C1orf159: variants seen among roughly 807,000 people sequenced by gnomAD.
C1orf159 encodes the protein uncharacterized protein C1orf159.
C1orf159 carries 19 observed loss-of-function variants against 25.6 expected under a neutral mutation model. That is an observed-to-expected ratio of 0.74 (90% confidence interval 0.52 to 1.09). The LOEUF (loss-of-function observed/expected upper bound fraction) is 1.09. Among genes scored for constraint, C1orf159 ranks in the 50% least tolerant of loss-of-function variants. The probability of loss-of-function intolerance (pLI) is 0.00; values close to 1 mark genes in which losing one functional copy is unlikely to be tolerated. For missense variants in C1orf159, 274 were observed against 290.6 expected (o/e 0.94, Z 0.42); for synonymous variants, 139 against 124.7 (o/e 1.12, Z -0.77).
Position 1,089,483 on chromosome 1 carries a change from C to G in C1orf159, c.148+870G>C, listed in dbSNP as rs534904834. Among the ~76,000 whole-genome samples the G allele has an allele frequency of 6.6e-6, 1 of 152,082 alleles. No individual in the cohort carries two copies. The highest frequency in any genetic ancestry group is 6.5e-5 in the Admixed American group (1 of 15,278). ...GCGGTGCCCTCCTCCTCCTACCCTGCGTGTGCCTCAGATGTCATCACTGCC... is the reference window on the plus strand; with the variant it reads ...GCGGTGCCCTCCTCCTCCTACCCTGGGTGTGCCTCAGATGTCATCACTGCC... On this transcript the variant is annotated intron_variant, in intron 4 of 9. Coordinates refer to ENST00000421241, the MANE Select transcript of C1orf159 (RefSeq NM_017891.5). The surrounding 1 kb of genome is among the most constrained non-coding windows in gnomAD (Gnocchi z 7.5).
chr1:1,085,213 G>A lies in C1orf159; in HGVS notation c.445+665C>T, dbSNP rs1645809301. ...GGGCTGCCCAGAGACCTGGGAGGAGGCCCCAGCTCGGCTATCACAGTCTGG... is the reference window on the plus strand; with the variant it reads ...GGGCTGCCCAGAGACCTGGGAGGAGACCCCAGCTCGGCTATCACAGTCTGG... On this transcript the variant is annotated intron_variant, in intron 7 of 9. Coordinates refer to ENST00000421241, the MANE Select transcript of C1orf159 (RefSeq NM_017891.5). 7.7e-6 allele frequency: 3 copies of A among 387,822 alleles called. 1 individual carries two copies. The highest frequency in any genetic ancestry group is 5.7e-5 in the Admixed American group (2 of 35,052). The allele number at this position is 387,822 out of a possible 1,614,324, so 24.0% of individuals were successfully genotyped here. A position where few individuals can be genotyped will look rare whatever the true frequency, so the allele number is the denominator to read the frequency against.
chr1:1,084,949 T>TG (rs1009793845), intron 7 of C1orf159, among the ~76,000 whole-genome samples: 8 of 151,984 alleles, frequency 5.3e-5, no homozygotes, highest in African/African-American at 1.9e-4. Context: ...GCCCCCGCGA[T>TG]GGGGGTGCCG....
At chr1:1,099,984 G>A (rs996778209) in intron 1 of C1orf159, among the ~76,000 whole-genome samples, 3 of 136,184 alleles carry the variant, frequency 2.2e-5, no homozygotes, top group African/African-American at 9.3e-5. Flanking sequence ...CAGTGTGATG[G>A]CACATGCCCC....
chr1:1,084,419 G>T (rs768607947), intron 8 of C1orf159, 36 bp from the exon 9 acceptor site: 1 of 1,581,470 alleles, frequency 6.3e-7, no homozygotes, highest in South Asian at 1.1e-5. Context: ...GAGGACTCGG[G>T]ATGGCCTGGC....
At chr1:1,093,529 C>A (rs955396288) in intron 1 of C1orf159, among the ~76,000 whole-genome samples, 2 of 152,272 alleles carry the variant, frequency 1.3e-5, no homozygotes, top group Non-Finnish European at 2.9e-5. Flanking sequence ...GGGCTCCCGG[C>A]AGCCAGGAGC....
chr1:1,091,020 C>G (rs1418746458), intron 3 of C1orf159: 17 of 1,488,874 alleles, frequency 1.1e-5, no homozygotes, highest in Non-Finnish European at 1.6e-5. Context: ...CCAGGGGTGA[C>G]TGCGGAGTGC....
At chr1:1,090,992 A>G in intron 3 of C1orf159, 1 of 1,547,804 alleles carries the variant, frequency 6.5e-7, no homozygotes, top group Middle Eastern at 1.7e-4. Flanking sequence ...ACCTGAATGC[A>G]GTGAACGGTG....
intron 1 of C1orf159, among the ~76,000 whole-genome samples, chr1:1,100,470 T>A (rs1265885819): frequency 6.6e-6 from 1 of 152,148 alleles, no homozygotes; most frequent in Non-Finnish European, 1.5e-5. Flanking sequence ...TCCCACTTGT[T>A]GCAGCTGACA....
chr1:1,100,531 G>A (rs1646085798), intron 1 of C1orf159, among the ~76,000 whole-genome samples: 2 of 152,100 alleles, frequency 1.3e-5, no homozygotes, highest in Admixed American at 6.5e-5. Context: ...TGACACGAGG[G>A]CGCACTCTTG....
Position 1,090,415 on chromosome 1 carries a change from T to C in C1orf159, c.86A>G (p.Glu29Gly). The change falls in exon 4 of 10, where the codon GAG becomes GGG. Residue 29 changes from glutamate to glycine, a missense_variant. Physicochemically the swap from Glu to Gly is moderately conservative, Grantham distance 98. Coordinates refer to ENST00000421241, the MANE Select transcript of C1orf159 (RefSeq NM_017891.5). ...GACGCCCACCACATCCACACAGCAC[T>C]CGGGCAGCTGGGCCTGGAGGGGACA... ...KSMENTAQLP[E>G]CCVDVVGVNA... The C allele has an allele frequency of 1.3e-6, 2 of 1,550,424 alleles. No homozygotes were observed. The highest frequency in any genetic ancestry group is 1.7e-6 in the Non-Finnish European group (2 of 1,146,920).
At chr1:1,112,214 G>A (rs1262592302) in intron 1 of C1orf159, among the ~76,000 whole-genome samples, 2 of 152,354 alleles carry the variant, frequency 1.3e-5, no homozygotes, top group African/African-American at 2.4e-5. Context: ...CATGAAATCC[G>A]GTGATGGGCA....
At position 1,087,007 on chromosome 1, in the gene C1orf159, C is replaced by G. The variant is rs911671049; in HGVS notation, c.310+132G>C. ...TGACCCCAAGCTGCAGGGGCTGCCA[C>G]GCTCCCCTCTGGCTGTTTTGCAGAA... is the stretch of plus-strand genomic sequence containing the variant. On this transcript the variant is annotated intron_variant, in intron 6 of 9. Transcript: ENST00000421241. This position sits in a 1 kb window ranked among gnomAD's most constrained non-coding sequence, Gnocchi z 8.3. 2 of 908,458 alleles carry G rather than the reference C, an allele frequency of 2.2e-6. No individual in the cohort carries two copies. Among genetic ancestry groups the G allele is most frequent in the Admixed American group, 2.3e-5 (1 of 43,602 alleles). The allele number at this position is 908,458 out of a possible 1,614,324, so 56.3% of individuals were successfully genotyped here.
At chr1:1,091,001 T>G in intron 3 of C1orf159, 1 of 1,539,370 alleles carries the variant, frequency 6.5e-7, no homozygotes. Context: ...CAGTGAACGG[T>G]GAGGGCGTCC....
intron 1 of C1orf159, among the ~76,000 whole-genome samples, chr1:1,108,273 C>T (rs1293653667): frequency 2.8e-5 from 4 of 142,778 alleles, no homozygotes; most frequent in Admixed American, 6.9e-5. Flanking sequence ...TCAGCAGCAC[C>T]GTCCACCACA....
Position 1,089,153 on chromosome 1 carries a change from C to A in C1orf159, c.148+1200G>T, listed in dbSNP as rs139829282. ...GGAAGCGTATCCAACACCGCAGGCC[C>A]GGCCCCTCCCCACGCGCGCCAGACG... On this transcript the variant is annotated intron_variant, in intron 4 of 9. Transcript: ENST00000421241. This position sits in a 1 kb window ranked among gnomAD's most constrained non-coding sequence, Gnocchi z 7.5. 2.0e-5 allele frequency among the ~76,000 whole-genome samples: 3 copies of A among 152,150 alleles called. No individual in the cohort carries two copies. Among genetic ancestry groups the A allele is most frequent in the Non-Finnish European group, 4.4e-5 (3 of 68,004 alleles).
chr1:1,088,243 C>A (rs1184304405), intron 4 of C1orf159, among the ~76,000 whole-genome samples: 2 of 90,452 alleles, frequency 2.2e-5, no homozygotes, highest in East Asian at 8.4e-4. Context: ...CATGCCTCCC[C>A]CAGGGTCCCC....
In C1orf159 at chr1:1,091,370, G is replaced by C. The variant is rs774860072; in HGVS notation, c.72+102C>G. The C allele has an allele frequency of 5.0e-5, 55 of 1,110,306 alleles. No individual in the cohort carries two copies. The East Asian group carries it at 1.4e-3, about 28-fold the overall frequency. 68.8% of individuals were successfully genotyped at this position (1,110,306 alleles called of 1,614,324 possible). A position where few individuals can be genotyped will look rare whatever the true frequency, so the allele number is the denominator to read the frequency against. ...CAGCACCTCTGGGGCTGGGACATCAGTGTCCTAAAGGTGGAAGGGTTAGAC... is the reference window on the plus strand; with the variant it reads ...CAGCACCTCTGGGGCTGGGACATCACTGTCCTAAAGGTGGAAGGGTTAGAC... On this transcript the variant is annotated intron_variant, in intron 3 of 9. Coordinates refer to ENST00000421241, the MANE Select transcript of C1orf159 (RefSeq NM_017891.5).
intron 7 of C1orf159, among the ~76,000 whole-genome samples, chr1:1,085,603 G>A (rs1367200098): frequency 6.6e-6 from 1 of 152,224 alleles, no homozygotes; most frequent in Non-Finnish European, 1.5e-5. Context: ...AGGGCCCCGG[G>A]GAGACGCCTC....
intron 1 of C1orf159, among the ~76,000 whole-genome samples, chr1:1,113,369 A>C (rs1449143597): frequency 6.6e-6 from 1 of 152,092 alleles, no homozygotes; most frequent in East Asian, 1.9e-4. Flanking sequence ...TCCACACTCC[A>C]CCTCGGCACA....
Sources: allele counts gnomAD v4.1 joint callset (sites outside exome capture counted in the v4.1 genomes callset), GRCh38; gene constraint gnomAD v4.1.1; non-coding constraint Gnocchi (gnomAD v3.1); transcripts MANE v1.5; gene names NCBI Gene and HGNC (gene_info 2026-07-23, HGNC 2026-07-21).